TNRC6B: variants seen among roughly 807,000 people sequenced by gnomAD.
TNRC6B encodes trinucleotide repeat containing adaptor 6B.
In TNRC6B, 52 loss-of-function variants were observed where a neutral mutation model predicts 203.6. The observed-to-expected ratio is 0.26, with a 90% CI of 0.20 to 0.32. The LOEUF (loss-of-function observed/expected upper bound fraction) is 0.32. Ranked by LOEUF, TNRC6B falls within the 10% of genes least tolerant of loss-of-function variation. TNRC6B has a pLI of 1.00. For missense variants in TNRC6B, 1,923 were observed against 2,286.2 expected (o/e 0.84, Z 3.24); for synonymous variants, 838 against 845.7 (o/e 0.99, Z 0.16).
At chr22:40,221,223 G>A (rs1250094316) in intron 1 of TNRC6B, among the ~76,000 whole-genome samples, 1 of 152,028 alleles carries the variant, frequency 6.6e-6, no homozygotes, top group African/African-American at 2.4e-5. Context: ...CAGGACAACT[G>A]TTTCCTTCTT....
rs529107319 is a variant in TNRC6B at position 40,090,050 on chromosome 22, C to T, written c.-120-27005C>T. 2.7e-3 allele frequency among the ~76,000 whole-genome samples: 405 copies of T among 152,230 alleles called. 2 individuals are homozygous for T. Among genetic ancestry groups the T allele is most frequent in the Non-Finnish European group, 4.7e-3 (317 of 68,024 alleles). ...TTTTAGCATGAATAATATTCCATTGCCTGGATGTACTCTAGTTTATCCATT... is the reference window on the plus strand; with the variant it reads ...TTTTAGCATGAATAATATTCCATTGTCTGGATGTACTCTAGTTTATCCATT... On this transcript the variant is annotated intron_variant, in intron 1 of 23. Coordinates refer to the TNRC6B transcript ENST00000301923.
chr22:40,299,682 A>G (rs957981948), intron 12 of TNRC6B, among the ~76,000 whole-genome samples: 11 of 152,152 alleles, frequency 7.2e-5, no homozygotes, highest in Admixed American at 3.9e-4. Flanking sequence ...AGCCTCTAGG[A>G]CTAAATTCTT....
exon 1 of TNRC6B, chr22:40,044,985 G>A (rs1864341113): frequency 6.6e-6 from 1 of 151,254 alleles, no homozygotes; most frequent in Non-Finnish European, 1.5e-5. Context: ...ACTCGGAGCC[G>A]GCACGGCTCG....
In TNRC6B at chr22:40,323,266, C is replaced by CGTGACCTT. The variant is rs762088147; in HGVS notation, c.*26_*33dup. ...AACTTAGAACTTTCAACTCTGACCTCGTGACCTTTTTTGGAACAGCAGCAG... is the reference window on the plus strand; with the variant it reads ...AACTTAGAACTTTCAACTCTGACCTCGTGACCTTGTGACCTTTTTTGGAACAGCAGCAG... On this transcript the variant is annotated 3_prime_UTR_variant, in exon 23 of 23. Transcript: ENST00000454349. 1.3e-6 allele frequency: 2 copies of CGTGACCTT among 1,588,204 alleles called. No individual in the cohort carries two copies. Among genetic ancestry groups the CGTGACCTT allele is most frequent in the South Asian group, 2.3e-5 (2 of 88,318 alleles).
Position 40,064,332 on chromosome 22 carries a change from A to G in TNRC6B, c.-121+19334A>G, listed in dbSNP as rs2146274313. 2.0e-5 allele frequency among the ~76,000 whole-genome samples: 3 copies of G among 149,888 alleles called. No homozygotes were observed. In the South Asian group the frequency reaches 6.3e-4, roughly 32 times the overall value. On this transcript the variant is annotated intron_variant, in intron 1 of 23. Coordinates refer to the TNRC6B transcript ENST00000301923. Reference sequence around the variant, plus strand: ...TGTTTTTGGTCTCAGGGGGACCACTATGATCTTCAGTCATTTGCCACTAAG... The same window carrying G: ...TGTTTTTGGTCTCAGGGGGACCACTGTGATCTTCAGTCATTTGCCACTAAG...
chr22:40,313,078 T>A, intron 19 of TNRC6B, 81 bp downstream of exon 19: 1 of 1,085,140 alleles, frequency 9.2e-7, no homozygotes, highest in Non-Finnish European at 1.4e-6. Context: ...TGGCATGTAT[T>A]TCATAAGATA....
At chr22:40,190,509 A>G (rs1400311546) in intron 1 of TNRC6B, among the ~76,000 whole-genome samples, 1 of 152,222 alleles carries the variant, frequency 6.6e-6, no homozygotes, top group Admixed American at 6.5e-5. Context: ...GTACATTTTA[A>G]TTTTTATGTC....
intron 12 of TNRC6B, among the ~76,000 whole-genome samples, chr22:40,298,487 C>T (rs1196637600): frequency 2.0e-5 from 3 of 152,172 alleles, no homozygotes; most frequent in Non-Finnish European, 2.9e-5. Context: ...TGTCTGAAGA[C>T]ATTTGAAGAA....
intron 4 of TNRC6B, among the ~76,000 whole-genome samples, chr22:40,170,880 T>C (rs1361946504): frequency 7.4e-6 from 1 of 135,876 alleles, no homozygotes. Flanking sequence ...TACATATATG[T>C]GTGTATACAT....
intron 11 of TNRC6B, among the ~76,000 whole-genome samples, chr22:40,283,915 A>T (rs2070750794): frequency 6.6e-6 from 1 of 152,198 alleles, no homozygotes; most frequent in Non-Finnish European, 1.5e-5. Context: ...GTTACCAGTA[A>T]CCCCACCGTC....
At chr22:40,151,892 C>G (rs1335181875) in intron 3 of TNRC6B, among the ~76,000 whole-genome samples, 1 of 151,362 alleles carries the variant, frequency 6.6e-6, no homozygotes, top group Admixed American at 6.6e-5. Flanking sequence ...AGAAAGAAAG[C>G]AAATCAGTTA....
chr22:40,208,038 C>A (rs909870341), intron 1 of TNRC6B, among the ~76,000 whole-genome samples: 1 of 142,674 alleles, frequency 7.0e-6, no homozygotes, highest in East Asian at 2.4e-4. Context: ...GGCGGGAACC[C>A]GGGAGGCGGA....
At chr22:40,264,051 C>G (rs1451324262) in intron 4 of TNRC6B, among the ~76,000 whole-genome samples, 2 of 152,078 alleles carry the variant, frequency 1.3e-5, no homozygotes, top group East Asian at 3.9e-4. Context: ...TGAATTGGGC[C>G]CAGAAGGATG....
At chr22:40,135,655 A>C (rs1182192094) in intron 3 of TNRC6B, among the ~76,000 whole-genome samples, 2 of 152,042 alleles carry the variant, frequency 1.3e-5, no homozygotes, top group Non-Finnish European at 2.9e-5. Context: ...GTGTGCCACC[A>C]TGCCTGGCTA....
At chr22:40,160,306 G>A (rs959185146) in intron 4 of TNRC6B, among the ~76,000 whole-genome samples, 3 of 151,822 alleles carry the variant, frequency 2.0e-5, no homozygotes, top group Non-Finnish European at 2.9e-5. Flanking sequence ...GAGAAACCCC[G>A]TCTCTACTAA....
At chr22:40,073,048 A>C (rs1185661394) in intron 1 of TNRC6B, among the ~76,000 whole-genome samples, 1 of 151,694 alleles carries the variant, frequency 6.6e-6, no homozygotes, top group East Asian at 1.9e-4. Flanking sequence ...AAGGACATTC[A>C]GTCTCAAGTT....
chr22:40,286,214 G>A (rs984370703), intron 12 of TNRC6B, among the ~76,000 whole-genome samples: 3 of 152,350 alleles, frequency 2.0e-5, no homozygotes, highest in Admixed American at 6.5e-5. Flanking sequence ...GCTCATGCCT[G>A]TAATCCCAGC....
chr22:40,222,270 G>A (rs1200138036), intron 1 of TNRC6B, among the ~76,000 whole-genome samples: 2 of 152,204 alleles, frequency 1.3e-5, no homozygotes, highest in Non-Finnish European at 2.9e-5. Context: ...TCGCCTCTGC[G>A]TACCGCTCTA....
intron 3 of TNRC6B, among the ~76,000 whole-genome samples, chr22:40,151,666 G>A (rs894241925): frequency 5.3e-5 from 8 of 151,560 alleles, no homozygotes; most frequent in African/African-American, 1.7e-4. Context: ...TTCAAAGAAC[G>A]AGGAAGAGCT....
Sources: gnomAD v4.1 joint callset for allele counts (sites outside exome capture counted in the v4.1 genomes callset) on GRCh38, gnomAD v4.1.1 for gene constraint, MANE v1.5 for transcripts, NCBI Gene and HGNC (gene_info 2026-07-23, HGNC 2026-07-21) for gene names.